Variants in TM9SF3 observed in about 807,000 individuals in gnomAD.
TM9SF3 encodes the protein transmembrane 9 superfamily member 3.
A neutral mutation model predicts 78.6 loss-of-function variants in TM9SF3; 14 were observed. That is an observed-to-expected ratio of 0.18 (90% CI 0.12 to 0.28). The LOEUF is 0.28. Among genes scored for constraint, TM9SF3 ranks in the 10% least tolerant of loss-of-function variants. TM9SF3 has a pLI of 1.00. For synonymous variants in TM9SF3, 231 were observed against 241.7 expected, an observed-to-expected ratio of 0.96 and a Z score of 0.41; for missense variants, 496 against 721.9, an observed-to-expected ratio of 0.69 and a Z score of 3.59.
rs569858577 is a variant in TM9SF3, at chr10:96,573,822, C to T, written c.298+2812G>A. 4.6e-5 allele frequency among the ~76,000 whole-genome samples: 7 copies of T among 152,106 alleles called. No homozygotes were observed. In the East Asian group the frequency reaches 5.8e-4, roughly 13 times the overall value. ...CAAACCTGACAAAAACAAGCAATGACAAAAGGATTCCCTATTTAATAGGTG... is the reference window on the plus strand; with the variant it reads ...CAAACCTGACAAAAACAAGCAATGATAAAAGGATTCCCTATTTAATAGGTG... On this transcript the variant is annotated intron_variant, in intron 2 of 14. Coordinates refer to ENST00000371142, the MANE Select transcript of TM9SF3 (RefSeq NM_020123.4).
chr10:96,528,271 T>C, intron 11 of TM9SF3, 94 bp from the exon 12 acceptor site: 1 of 1,298,612 alleles, frequency 7.7e-7, no homozygotes, highest in Non-Finnish European at 1.0e-6. Flanking sequence ...CTCATTTTTT[T>C]CTCACTTAAT....
rs146166600 is a variant in TM9SF3, at chr10:96,525,495, G to A, written c.1702+1718C>T. 1.8e-4 allele frequency among the ~76,000 whole-genome samples: 28 copies of A among 152,050 alleles called. No homozygotes were observed. The Middle Eastern group carries it at 0.01, about 55-fold the overall frequency. ...TACATAGTGTATATGAACTGAACAGGCTCTTTTGATGGAGAAACAAAGCAA... is the reference window on the plus strand; with the variant it reads ...TACATAGTGTATATGAACTGAACAGACTCTTTTGATGGAGAAACAAAGCAA... On this transcript the variant is annotated intron_variant, in intron 14 of 14. Coordinates refer to ENST00000371142, the MANE Select transcript of TM9SF3 (RefSeq NM_020123.4).
At chr10:96,566,699 ACAAC>A (rs1848374955) in intron 2 of TM9SF3, among the ~76,000 whole-genome samples, 1 of 152,160 alleles carries the variant, frequency 6.6e-6, no homozygotes, top group Non-Finnish European at 1.5e-5. Flanking sequence ...AAACAAACAA[ACAAC>A]AACAAAAAAA....
chr10:96,586,765 G>GGCA lies in TM9SF3; in HGVS notation c.68_70dup (p.Leu23dup), dbSNP rs751439116. 598 of 1,286,748 alleles carry GGCA rather than the reference G, an allele frequency of 4.6e-4. 1 individual carries two copies. Among genetic ancestry groups the GGCA allele is most frequent in the South Asian group, 1.6e-3 (62 of 39,862 alleles). 79.7% of individuals were successfully genotyped at this position (1,286,748 alleles called of 1,614,324 possible). ...TTCGTGCTCGTCCGCCCGGGTCCGG[G>GGCA]GCAGCAGCAGCAGCAGCAGCCACAG... On this transcript the variant is annotated inframe_insertion, in exon 1 of 15. Transcript: ENST00000371142.
chr10:96,564,153 A>AT (rs539562379), intron 3 of TM9SF3, among the ~76,000 whole-genome samples: 1,878 of 150,664 alleles, frequency 0.012, 28 homozygotes, highest in Non-Finnish European at 0.016. Context: ...AGAGCCAGGC[A>AT]TGGTGGGGTG....
intron 11 of TM9SF3, among the ~76,000 whole-genome samples, chr10:96,528,491 A>G (rs998579463): frequency 6.6e-6 from 1 of 152,158 alleles, no homozygotes; most frequent in Non-Finnish European, 1.5e-5. Flanking sequence ...AAAAATCCGT[A>G]TTTGTATCCA....
chr10:96,577,095 C>T (rs1389783393), intron 1 of TM9SF3, among the ~76,000 whole-genome samples: 3 of 151,992 alleles, frequency 2.0e-5, no homozygotes, highest in Non-Finnish European at 4.4e-5. Flanking sequence ...TGAACTAAGC[C>T]CAATAGCTCA....
At chr10:96,548,350 A>T (rs1848125829) in intron 7 of TM9SF3, among the ~76,000 whole-genome samples, 1 of 152,256 alleles carries the variant, frequency 6.6e-6, no homozygotes, top group Admixed American at 6.5e-5. Flanking sequence ...ATCTGTTAAG[A>T]AAAATGACTG....
At chr10:96,558,508 T>C (rs1264852059) in intron 5 of TM9SF3, among the ~76,000 whole-genome samples, 2 of 151,904 alleles carry the variant, frequency 1.3e-5, no homozygotes, top group Admixed American at 6.6e-5. Flanking sequence ...TAGCCGGGCA[T>C]GATGGTGTGT....
intron 5 of TM9SF3, 99 bp downstream of exon 5, chr10:96,559,558 CCA>C (rs1848277374): frequency 2.8e-6 from 2 of 716,806 alleles, no homozygotes. Flanking sequence ...ATCTTTTAAT[CCA>C]CAGTCCTCAA....
intron 6 of TM9SF3, among the ~76,000 whole-genome samples, chr10:96,552,706 G>A (rs183333751): frequency 6.6e-6 from 1 of 152,050 alleles, no homozygotes; most frequent in East Asian, 1.9e-4. Flanking sequence ...ATCCCACTTC[G>A]GGTGAATGTT....
chr10:96,537,042 T>C (rs745659770), intron 9 of TM9SF3, among the ~76,000 whole-genome samples: 1 of 152,236 alleles, frequency 6.6e-6, no homozygotes, highest in Non-Finnish European at 1.5e-5. Context: ...ATATACAAAA[T>C]ATGTGATCAT....
intron 4 of TM9SF3, 31 bp from the exon 5 acceptor site, chr10:96,559,767 G>A: frequency 7.4e-7 from 1 of 1,349,674 alleles, no homozygotes; most frequent in South Asian, 1.3e-5. Context: ...TGAAAATAAA[G>A]GCCAGTAAAC....
intron 11 of TM9SF3, among the ~76,000 whole-genome samples, chr10:96,530,316 G>A (rs1201422556): frequency 1.3e-5 from 2 of 152,152 alleles, no homozygotes; most frequent in African/African-American, 2.4e-5. Flanking sequence ...TTTCCTCTTA[G>A]GTGAGGGAGG....
In TM9SF3 at chr10:96,586,895, T is replaced by C. The variant is rs1205773322; in HGVS notation, c.-60A>G. The C allele has an allele frequency of 3.5e-6, 4 of 1,140,324 alleles. No individual in the cohort carries two copies. Among genetic ancestry groups the C allele is most frequent in the African/African-American group, 3.3e-5 (2 of 60,512 alleles). The allele number at this position is 1,140,324 out of a possible 1,614,324, so 70.6% of individuals were successfully genotyped here. ...GACTCCTCCTCCCGCCGCCGCCTCC[T>C]CCGCCGCCGCCGCCTCCGCCGCGGC... is the stretch of plus-strand genomic sequence containing the variant. On this transcript the variant is annotated 5_prime_UTR_variant, in exon 1 of 15. Transcript: ENST00000371142.
intron 11 of TM9SF3, among the ~76,000 whole-genome samples, chr10:96,528,565 AAAT>A (rs760178103): frequency 3.3e-5 from 5 of 152,162 alleles, no homozygotes; most frequent in East Asian, 1.9e-4. Flanking sequence ...ATAGAAAATA[AAAT>A]AATAAGTAGA....
rs80213760 is a variant in TM9SF3, at chr10:96,571,794, G to A, written c.298+4840C>T. Reference sequence around the variant, plus strand: ...GGAAGATCGATAAAATAAACAGAAGGAAGGAGTCCTGTAGAAGTCACTGAT... The same window carrying A: ...GGAAGATCGATAAAATAAACAGAAGAAAGGAGTCCTGTAGAAGTCACTGAT... On this transcript the variant is annotated intron_variant, in intron 2 of 14. Coordinates refer to ENST00000371142, the MANE Select transcript of TM9SF3 (RefSeq NM_020123.4). Among the ~76,000 whole-genome samples, 282 of 152,276 alleles carry A rather than the reference G, an allele frequency of 1.9e-3. 11 individuals carry two copies. In the East Asian group the frequency reaches 0.043, roughly 23 times the overall value.
At chr10:96,538,393 C>G (rs1847983969) in intron 9 of TM9SF3, among the ~76,000 whole-genome samples, 1 of 152,064 alleles carries the variant, frequency 6.6e-6, no homozygotes, top group Non-Finnish European at 1.5e-5. Flanking sequence ...AAAAATGGAT[C>G]CTAGACCTAA....
chr10:96,558,996 C>G (rs911407936), intron 5 of TM9SF3, among the ~76,000 whole-genome samples: 1 of 152,118 alleles, frequency 6.6e-6, no homozygotes, highest in Admixed American at 6.6e-5. Context: ...CTGTACAAAA[C>G]CAACACTAAT....
Sources: gnomAD v4.1 joint callset for allele counts (sites outside exome capture counted in the v4.1 genomes callset) on GRCh38, gnomAD v4.1.1 for gene constraint, MANE v1.5 for transcripts, NCBI Gene and HGNC (gene_info 2026-07-23, HGNC 2026-07-21) for gene names.